The following PLEKHM1 variants were observed in gnomAD, a reference collection of about 807,000 sequenced individuals.
PLEKHM1 encodes pleckstrin homology and RUN domain containing M1.
A neutral mutation model predicts 94.3 loss-of-function variants in PLEKHM1; 28 were observed. The observed-to-expected ratio is 0.30, with a 90% CI of 0.22 to 0.41. PLEKHM1 has a LOEUF of 0.41. PLEKHM1 is among the 10% of genes least tolerant of loss of function. The probability of loss-of-function intolerance (pLI) is 1.00; values close to 1 mark genes in which losing one functional copy is unlikely to be tolerated. For missense variants in PLEKHM1, 907 were observed against 1,358.6 expected (o/e 0.67, Z 5.22); for synonymous variants, 424 against 581.2 (o/e 0.73, Z 3.89).
chr17:45,465,970 C>T (rs1014307052), intron 5 of PLEKHM1, among the ~76,000 whole-genome samples: 3 of 152,080 alleles, frequency 2.0e-5, no homozygotes, highest in South Asian at 2.1e-4. Context: ...CGTCACTCTG[C>T]CTCCAGCTTG....
intron 5 of PLEKHM1, among the ~76,000 whole-genome samples, chr17:45,461,108 C>T (rs191218646): frequency 8.5e-5 from 13 of 152,208 alleles, no homozygotes; most frequent in South Asian, 2.1e-4. Flanking sequence ...AGGATGGTCT[C>T]GATCTCCTGA....
chr17:45,445,034 C>T lies in PLEKHM1; in HGVS notation c.2837+436G>A, dbSNP rs2050559353. On this transcript the variant is annotated intron_variant, in intron 9 of 11. Transcript: ENST00000430334. This position sits in a 1 kb window ranked among gnomAD's most constrained non-coding sequence, Gnocchi z 4.2. ...GCCAGGCCAGAGACTTCCGGCGGGT[C>T]GGCCCTGGCTCTGTCCTGCTCATTG... Among the ~76,000 whole-genome samples the T allele has an allele frequency of 6.6e-6, 1 of 152,256 alleles. No homozygotes were observed. The highest frequency in any genetic ancestry group is 1.5e-5 in the Non-Finnish European group (1 of 68,054).
At position 45,445,574 on chromosome 17, in the gene PLEKHM1, A is replaced by G. The variant is rs764709992; in HGVS notation, c.2733T>C (p.His911=). 1.9e-5 allele frequency: 31 copies of G among 1,613,808 alleles called. No individual in the cohort carries two copies. Among genetic ancestry groups the G allele is most frequent in the Non-Finnish European group, 2.5e-5 (30 of 1,179,854 alleles). The part of the protein sequence containing the change: ...LQMVNASLYE[H]VERMHLIGRR... ...TCCCAATGAGGTGCATCCGCTCCAC[A>G]TGCTCGTACAGAGACGCGTTCACCA... Residue 911 remains histidine, a synonymous_variant, in exon 9 of 12, where the codon CAT becomes CAC. Coordinates refer to ENST00000430334, the MANE Select transcript of PLEKHM1 (RefSeq NM_014798.3). The surrounding 1 kb of genome is among the most constrained non-coding windows in gnomAD (Gnocchi z 4.2).
intron 5 of PLEKHM1, among the ~76,000 whole-genome samples, chr17:45,466,516 G>A (rs1052698737): frequency 7.2e-5 from 11 of 152,114 alleles, no homozygotes; most frequent in Non-Finnish European, 1.0e-4. Flanking sequence ...TCCAATAAAA[G>A]ACTTATATCT....
rs1178734931 is a variant in PLEKHM1 at position 45,436,902 on chromosome 17, G to C, written c.*956C>G. 6 of 451,078 alleles carry C rather than the reference G, an allele frequency of 1.3e-5. No individual in the cohort carries two copies. The highest frequency in any genetic ancestry group is 2.7e-5 in the Non-Finnish European group (6 of 224,202). 27.9% of individuals were successfully genotyped at this position (451,078 alleles called of 1,614,324 possible). On this transcript the variant is annotated 3_prime_UTR_variant, in exon 12 of 12. Transcript: ENST00000430334. ...CTGGGGTCCTGCCTATCTGTGCCCT[G>C]GCAGGGGTCAGTCAGGCAGAGAGTG...
intron 8 of PLEKHM1, among the ~76,000 whole-genome samples, chr17:45,446,539 G>C (rs1397964429): frequency 6.6e-6 from 1 of 152,218 alleles, no homozygotes; most frequent in Non-Finnish European, 1.5e-5. Context: ...TAAGGACGGA[G>C]GAGCTGTTGT....
chr17:45,460,841 G>GAGCC (rs1322916090), intron 5 of PLEKHM1, among the ~76,000 whole-genome samples: 1 of 152,184 alleles, frequency 6.6e-6, no homozygotes, highest in Non-Finnish European at 1.5e-5. Context: ...TCACAGGCAT[G>GAGCC]AGCCACCTGC....
chr17:45,470,951 C>T (rs1265272237), intron 4 of PLEKHM1, among the ~76,000 whole-genome samples: 1 of 151,904 alleles, frequency 6.6e-6, no homozygotes, highest in Non-Finnish European at 1.5e-5. Flanking sequence ...CAGGAGTGAG[C>T]CACTGTGCCT....
Position 45,437,144 on chromosome 17 carries a change from G to C in PLEKHM1, c.*714C>G, listed in dbSNP as rs981963908. 6 of 453,636 alleles carry C rather than the reference G, an allele frequency of 1.3e-5. No individual in the cohort carries two copies. Among genetic ancestry groups the C allele is most frequent in the African/African-American group, 1.2e-4 (6 of 50,004 alleles). 28.1% of individuals were successfully genotyped at this position (453,636 alleles called of 1,614,324 possible). On this transcript the variant is annotated 3_prime_UTR_variant, in exon 12 of 12. Coordinates refer to ENST00000430334, the MANE Select transcript of PLEKHM1 (RefSeq NM_014798.3). This position sits in a 1 kb window ranked among gnomAD's most constrained non-coding sequence, Gnocchi z 4.0. ...CTAGAGAAGAGCTAGGGGCTCTGAC[G>C]CTGAGAAAGCGGTGGGCTCAGCAGG... is the stretch of plus-strand genomic sequence containing the variant.
intron 1 of PLEKHM1, among the ~76,000 whole-genome samples, chr17:45,482,939 C>G (rs1396784132): frequency 6.6e-6 from 1 of 151,784 alleles, no homozygotes; most frequent in African/African-American, 2.4e-5. Context: ...GAAGCAGGGG[C>G]TCACAGGCTC....
chr17:45,477,337 G>C (rs138940893), intron 3 of PLEKHM1: 3,501 of 182,420 alleles, frequency 0.019, 117 homozygotes, highest in African/African-American at 0.075. Context: ...AGGAGGCTGA[G>C]GCAGGAGAAT....
intron 9 of PLEKHM1, among the ~76,000 whole-genome samples, chr17:45,441,319 G>A (rs1395122008): frequency 6.6e-6 from 1 of 152,168 alleles, no homozygotes; most frequent in African/African-American, 2.4e-5. Context: ...GTCCCAGCTG[G>A]TGGCTCAGCT....
chr17:45,477,627 G>T (rs992670018), intron 3 of PLEKHM1: 2 of 502,840 alleles, frequency 4.0e-6, no homozygotes, highest in African/African-American at 1.9e-5. Flanking sequence ...GCTAAAGGTG[G>T]CCAGTCTCAC....
At chr17:45,439,750 T>A (rs2050383797) in intron 10 of PLEKHM1, 116 bp from the exon 11 acceptor site, 24 of 1,367,100 alleles carry the variant, frequency 1.8e-5, no homozygotes, top group Non-Finnish European at 2.5e-5. Context: ...GCACCCTGCC[T>A]GGAGAACTTC....
At chr17:45,486,667 A>G (rs1383891376) in intron 1 of PLEKHM1, among the ~76,000 whole-genome samples, 1 of 152,204 alleles carries the variant, frequency 6.6e-6, no homozygotes, top group South Asian at 2.1e-4. Flanking sequence ...CAGAAATGCC[A>G]CAAAATGACT....
intron 2 of PLEKHM1, among the ~76,000 whole-genome samples, chr17:45,480,102 C>A (rs958477895): frequency 6.6e-6 from 1 of 152,004 alleles, no homozygotes; most frequent in African/African-American, 2.4e-5. Context: ...AATTCATATA[C>A]CATAAAATAC....
intron 2 of PLEKHM1, among the ~76,000 whole-genome samples, chr17:45,480,619 C>T (rs1478453294): frequency 6.6e-6 from 1 of 152,206 alleles, no homozygotes. Flanking sequence ...AGTCACTAAT[C>T]TATTTTCTGT....
intron 5 of PLEKHM1, among the ~76,000 whole-genome samples, chr17:45,463,077 G>T (rs2051202489): frequency 7.1e-6 from 1 of 141,306 alleles, no homozygotes; most frequent in Admixed American, 7.2e-5. Flanking sequence ...CAGCACAAGA[G>T]TCTGTGTCAA....
At chr17:45,446,002 T>A (rs2050594748) in intron 8 of PLEKHM1, 2 of 452,320 alleles carry the variant, frequency 4.4e-6, no homozygotes, top group East Asian at 8.5e-5. Flanking sequence ...CTCTTTCCTG[T>A]CCTCCCAGCC....
Sources: allele counts gnomAD v4.1 joint callset (sites outside exome capture counted in the v4.1 genomes callset), GRCh38; gene constraint gnomAD v4.1.1; non-coding constraint Gnocchi (gnomAD v3.1); transcripts MANE v1.5; gene names NCBI Gene and HGNC (gene_info 2026-07-23, HGNC 2026-07-21).